Variants in ARID5B observed in about 807,000 individuals in gnomAD.
ARID5B encodes AT-rich interaction domain 5B.
A neutral mutation model predicts 97.2 loss-of-function variants in ARID5B; 13 were observed. The ratio of observed to expected loss-of-function variants is 0.13; its 90% CI spans 0.09 to 0.21. ARID5B has a LOEUF of 0.21. Ranked by LOEUF, ARID5B falls within the 10% of genes least tolerant of loss-of-function variation. The pLI is 1.00. For synonymous variants in ARID5B, 556 were observed against 570.3 expected, an observed-to-expected ratio of 0.97 and a Z score of 0.36; for missense variants, 1,210 against 1,465.3, an observed-to-expected ratio of 0.83 and a Z score of 2.84.
chr10:62,000,026 C>T lies in ARID5B; in HGVS notation c.503-65C>T. The T allele has an allele frequency of 6.8e-7, 1 of 1,464,604 alleles. No homozygotes were observed. The highest frequency in any genetic ancestry group is 9.5e-7 in the Non-Finnish European group (1 of 1,048,178). 90.7% of individuals were successfully genotyped at this position (1,464,604 alleles called of 1,614,324 possible). A position where few individuals can be genotyped will look rare whatever the true frequency, so the allele number is the denominator to read the frequency against. ...ACCAGAAGTGATTATTGAAATTATACCATGGCCATGAAAGTTCTTTGTCAG... is the reference window on the plus strand; with the variant it reads ...ACCAGAAGTGATTATTGAAATTATATCATGGCCATGAAAGTTCTTTGTCAG... On this transcript the variant is annotated intron_variant, in intron 3 of 9. Coordinates refer to ENST00000279873, the MANE Select transcript of ARID5B (RefSeq NM_032199.3). The surrounding 1 kb of genome is among the most constrained non-coding windows in gnomAD (Gnocchi z 4.4).
chr10:61,927,464 C>A (rs566449208), intron 2 of ARID5B, among the ~76,000 whole-genome samples: 1 of 152,260 alleles, frequency 6.6e-6, no homozygotes, highest in South Asian at 2.1e-4. Context: ...TAGTTTCTTC[C>A]AACATGGTAC....
At chr10:62,084,255 T>C (rs1840252158) in intron 8 of ARID5B, among the ~76,000 whole-genome samples, 1 of 152,218 alleles carries the variant, frequency 6.6e-6, no homozygotes, top group Admixed American at 6.5e-5. Context: ...TTTCCCATAG[T>C]TTTATTGGTA....
chr10:61,953,597 T>C (rs1291957497), intron 3 of ARID5B, among the ~76,000 whole-genome samples: 1 of 152,152 alleles, frequency 6.6e-6, no homozygotes, highest in African/African-American at 2.4e-5. Flanking sequence ...CAGTAGTCAG[T>C]TATGTTGTAG....
chr10:61,955,874 CT>C (rs1353595792), intron 3 of ARID5B, among the ~76,000 whole-genome samples: 1 of 152,148 alleles, frequency 6.6e-6, no homozygotes, highest in Non-Finnish European at 1.5e-5. Context: ...TGGTCTCGAA[CT>C]CCTGAGCTCA....
In ARID5B at chr10:62,029,811, C is replaced by A. The variant is rs77326475; in HGVS notation, c.734-21077C>A. Among the ~76,000 whole-genome samples the A allele has an allele frequency of 4.7e-3, 711 of 152,308 alleles. 7 individuals carry two copies. The highest frequency in any genetic ancestry group is 0.016 in the African/African-American group (680 of 41,558). On this transcript the variant is annotated intron_variant, in intron 4 of 9. Coordinates refer to ENST00000279873, the MANE Select transcript of ARID5B (RefSeq NM_032199.3). Reference sequence around the variant, plus strand: ...GTCAATATTAATGGACTCAATTAATCATGACATTGAAATATCAAAAACAAA... The same window carrying A: ...GTCAATATTAATGGACTCAATTAATAATGACATTGAAATATCAAAAACAAA...
In ARID5B at chr10:62,092,540, A is replaced by C; in HGVS notation, c.3077A>C (p.Lys1026Thr). 1 of 1,614,162 alleles carries C rather than the reference A, an allele frequency of 6.2e-7. No individual in the cohort carries two copies. The highest frequency in any genetic ancestry group is 8.5e-7 in the Non-Finnish European group (1 of 1,180,034). Residue 1026 changes from lysine to threonine, a missense_variant, in exon 10 of 10, where the codon AAA (lysine) becomes ACA (threonine). Physicochemically the swap from Lys to Thr is moderately conservative, Grantham distance 78. Around this residue, in one of 8 missense-constraint regions of ARID5B, gnomAD observed 800 missense variants for 839.1 expected, o/e 0.95. Transcript: ENST00000279873. The stretch of plus-strand genomic sequence containing the variant: ...GATTTGGACCTTGTGATTGCAGGGA[A>C]AAAGGCCCGGGCAGTGTCTCCCTTA... ...LEDLDLVIAG[K>T]KARAVSPLDP...
At chr10:62,054,819 G>C (rs1015279557) in intron 5 of ARID5B, among the ~76,000 whole-genome samples, 1 of 152,084 alleles carries the variant, frequency 6.6e-6, no homozygotes. Context: ...TATAAAATTG[G>C]GGTTTGGAGT....
intron 3 of ARID5B, among the ~76,000 whole-genome samples, chr10:61,993,787 T>C (rs1838960630): frequency 1.3e-5 from 2 of 152,220 alleles, no homozygotes; most frequent in South Asian, 4.1e-4. Context: ...AGTTGATGCT[T>C]TGCCGTTGGT....
Position 61,959,198 on chromosome 10 carries a change from G to A in ARID5B, c.502+18790G>A, listed in dbSNP as rs564202563. 2.6e-5 allele frequency among the ~76,000 whole-genome samples: 4 copies of A among 152,316 alleles called. No individual in the cohort carries two copies. The East Asian group carries it at 7.7e-4, about 29-fold the overall frequency. ...CAACTTTTTGCCTAGTTATATTCAT[G>A]GTTGCAAATGGGGCTAGTGTGGTTA... On this transcript the variant is annotated intron_variant, in intron 3 of 9. Coordinates refer to ENST00000279873, the MANE Select transcript of ARID5B (RefSeq NM_032199.3).
intron 2 of ARID5B, among the ~76,000 whole-genome samples, chr10:61,904,860 T>A (rs1159784871): frequency 1.3e-5 from 2 of 152,226 alleles, no homozygotes; most frequent in African/African-American, 4.8e-5. Flanking sequence ...GGTAGAAAGT[T>A]TCCCAATGCA....
intron 2 of ARID5B, among the ~76,000 whole-genome samples, chr10:61,939,050 A>C (rs1193668365): frequency 6.7e-6 from 1 of 149,864 alleles, no homozygotes; most frequent in Non-Finnish European, 1.5e-5. Context: ...GGGGAGGAGG[A>C]AAAAGTCATG....
intron 4 of ARID5B, among the ~76,000 whole-genome samples, chr10:62,039,832 T>C (rs1839612167): frequency 6.6e-6 from 1 of 152,256 alleles, no homozygotes. Context: ...TTGTCATAAA[T>C]GGGACCTGAA....
At chr10:61,980,921 T>A (rs188670066) in intron 3 of ARID5B, among the ~76,000 whole-genome samples, 137 of 152,292 alleles carry the variant, frequency 9.0e-4, no homozygotes, top group African/African-American at 3.1e-3. Flanking sequence ...TCTGGGCACC[T>A]CCACTGCCTT....
chr10:61,960,430 A>T (rs568928302), intron 3 of ARID5B, among the ~76,000 whole-genome samples: 2 of 152,296 alleles, frequency 1.3e-5, no homozygotes, highest in African/African-American at 4.8e-5. Context: ...TTGCCTAAGG[A>T]TTCTTTTGGA....
chr10:61,928,711 C>T (rs1489816174), intron 2 of ARID5B, among the ~76,000 whole-genome samples: 3 of 152,156 alleles, frequency 2.0e-5, no homozygotes, highest in Non-Finnish European at 2.9e-5. Flanking sequence ...ACTGCATTGT[C>T]CCCATTTTTC....
chr10:62,061,838 T>C (rs1217855955), intron 7 of ARID5B, among the ~76,000 whole-genome samples: 1 of 152,148 alleles, frequency 6.6e-6, no homozygotes, highest in Non-Finnish European at 1.5e-5. Context: ...AATTTAGGGG[T>C]GACATATTCT....
chr10:62,094,702 C>G lies in ARID5B; in HGVS notation c.*1672C>G, dbSNP rs1002245859. The G allele has an allele frequency of 8.6e-6, 2 of 231,282 alleles. No homozygotes were observed. Among genetic ancestry groups the G allele is most frequent in the Non-Finnish European group, 1.7e-5 (2 of 116,872 alleles). The allele number at this position is 231,282 out of a possible 1,614,324, so 14.3% of individuals were successfully genotyped here. A position where few individuals can be genotyped will look rare whatever the true frequency, so the allele number is the denominator to read the frequency against. On this transcript the variant is annotated 3_prime_UTR_variant, in exon 10 of 10. Transcript: ENST00000279873. The stretch of plus-strand genomic sequence containing the variant: ...TGTATTAATTAAAAGTCAATGGATA[C>G]AGAGAGTGGATTTTCTCCCCAAGTC...
intron 2 of ARID5B, among the ~76,000 whole-genome samples, chr10:61,907,919 C>T (rs1005643629): frequency 6.6e-6 from 1 of 152,160 alleles, no homozygotes; most frequent in Non-Finnish European, 1.5e-5. Flanking sequence ...CGTTGCTGAC[C>T]CCTGGCCTAT....
chr10:62,055,000 G>A (rs1839836770), intron 5 of ARID5B, among the ~76,000 whole-genome samples: 1 of 152,214 alleles, frequency 6.6e-6, no homozygotes, highest in East Asian at 1.9e-4. Context: ...CTAGCTCATT[G>A]TAGGTGCTCA....
Sources: gnomAD v4.1 joint callset for allele counts (sites outside exome capture counted in the v4.1 genomes callset) on GRCh38, gnomAD v4.1.1 for gene constraint, gnomAD v4.1.1 regional missense constraint, Gnocchi (gnomAD v3.1) non-coding constraint, MANE v1.5 for transcripts, NCBI Gene and HGNC (gene_info 2026-07-23, HGNC 2026-07-21) for gene names.